OLFM3: variants seen among roughly 807,000 people sequenced by gnomAD.
OLFM3 encodes olfactomedin 3, also known as noelin-3.
OLFM3 carries 20 observed loss-of-function variants against 48.6 expected under a neutral mutation model. The observed-to-expected ratio is 0.41, with a 90% CI of 0.29 to 0.60. OLFM3 has a LOEUF of 0.60. OLFM3 is among the 20% of genes least tolerant of loss of function. The probability of loss-of-function intolerance (pLI) is 0.28; values close to 1 mark genes in which losing one functional copy is unlikely to be tolerated. For synonymous variants in OLFM3, 222 were observed against 198.1 expected, an observed-to-expected ratio of 1.12 and a Z score of -1.01; for missense variants, 437 against 544.3, an observed-to-expected ratio of 0.80 and a Z score of 1.96.
intron 1 of OLFM3, among the ~76,000 whole-genome samples, chr1:101,903,035 T>C (rs1658439525): frequency 6.6e-6 from 1 of 152,094 alleles, no homozygotes. Flanking sequence ...GGCTTTCTAA[T>C]GTGTTGTATT....
chr1:101,910,973 G>A (rs780598148), intron 1 of OLFM3, among the ~76,000 whole-genome samples: 5 of 152,118 alleles, frequency 3.3e-5, no homozygotes, highest in Non-Finnish European at 5.9e-5. Context: ...TCACTCAATA[G>A]AGTTATTAGA....
intron 1 of OLFM3, among the ~76,000 whole-genome samples, chr1:101,995,578 G>A (rs1031926451): frequency 5.3e-5 from 8 of 151,952 alleles, no homozygotes; most frequent in Admixed American, 2.6e-4. Context: ...AAATATATAC[G>A]ACATGATTCT....
At position 101,993,175 on chromosome 1, in the gene OLFM3, G is replaced by A. The variant is rs1022186784; in HGVS notation, c.69+3573C>T. On this transcript the variant is annotated intron_variant, in intron 1 of 5. Transcript: ENST00000370103. ...TGTAGCTGGCTCCAGTGTCAATGTT[G>A]TGTTTGAAACCTGCTCAGTCATATT... is the stretch of plus-strand genomic sequence containing the variant. Among the ~76,000 whole-genome samples the A allele has an allele frequency of 1.1e-4, 17 of 152,052 alleles. 1 individual carries two copies. Among genetic ancestry groups the A allele is most frequent in the Admixed American group, 2.6e-4 (4 of 15,262 alleles).
chr1:101,868,267 G>A (rs1429582669), intron 1 of OLFM3, among the ~76,000 whole-genome samples: 1 of 152,184 alleles, frequency 6.6e-6, no homozygotes, highest in Non-Finnish European at 1.5e-5. Context: ...CTCAGAAGAA[G>A]ATATGAACAC....
intron 1 of OLFM3, among the ~76,000 whole-genome samples, chr1:101,984,342 A>G (rs542212311): frequency 6.6e-6 from 1 of 152,212 alleles, no homozygotes; most frequent in South Asian, 2.1e-4. Flanking sequence ...TTTATATTAT[A>G]AATGTCAACC....
chr1:101,946,324 C>T (rs1012551534), intron 1 of OLFM3, among the ~76,000 whole-genome samples: 1 of 152,192 alleles, frequency 6.6e-6, no homozygotes, highest in Admixed American at 6.5e-5. Flanking sequence ...ATTTGAGTAT[C>T]ACGAGAATCC....
rs143989644 is a variant in OLFM3, at chr1:101,867,474, C to G, written c.70-30449G>C. On this transcript the variant is annotated intron_variant, in intron 1 of 5. Coordinates refer to ENST00000370103, the MANE Select transcript of OLFM3 (RefSeq NM_058170.4). ...ACAATGTTTATAAAGTCAATCTAGA[C>G]TAGAATACTATTCCAAAGTCAATCT... 1.9e-4 allele frequency among the ~76,000 whole-genome samples: 29 copies of G among 152,260 alleles called. No individual in the cohort carries two copies. In the East Asian group the frequency reaches 5.6e-3, roughly 29 times the overall value.
chr1:101,877,229 C>T (rs1323259156), intron 1 of OLFM3, among the ~76,000 whole-genome samples: 1 of 151,828 alleles, frequency 6.6e-6, no homozygotes, highest in Non-Finnish European at 1.5e-5. Context: ...AACTTTTAAC[C>T]CAGCTGTTCA....
At chr1:101,966,284 C>G (rs1660604530) in intron 1 of OLFM3, among the ~76,000 whole-genome samples, 1 of 151,368 alleles carries the variant, frequency 6.6e-6, no homozygotes, top group Admixed American at 6.6e-5. Flanking sequence ...TGTGTCTCAG[C>G]CTCCTGAGTA....
chr1:101,865,201 AG>A (rs1434329742), intron 1 of OLFM3, among the ~76,000 whole-genome samples: 1 of 151,430 alleles, frequency 6.6e-6, no homozygotes, highest in Non-Finnish European at 1.5e-5. Context: ...AGCATTATGG[AG>A]CCCCCTGCAC....
chr1:101,909,986 C>T (rs1658693951), intron 1 of OLFM3: 3 of 985,210 alleles, frequency 3.0e-6, no homozygotes, highest in Admixed American at 6.2e-5. Flanking sequence ...ATAGCCAGAA[C>T]ACATCTCATC....
intron 4 of OLFM3, among the ~76,000 whole-genome samples, chr1:101,823,226 C>G (rs895118963): frequency 1.3e-5 from 2 of 152,002 alleles, no homozygotes; most frequent in Non-Finnish European, 2.9e-5. Flanking sequence ...TTATGCTACA[C>G]ATGCAATGAT....
intron 1 of OLFM3, among the ~76,000 whole-genome samples, chr1:101,897,770 C>A (rs1480853378): frequency 6.6e-6 from 1 of 152,092 alleles, no homozygotes; most frequent in African/African-American, 2.4e-5. Flanking sequence ...GGATACATTG[C>A]TGAGGATATT....
intron 1 of OLFM3, among the ~76,000 whole-genome samples, chr1:101,974,097 T>C (rs1211754402): frequency 2.0e-5 from 3 of 151,938 alleles, no homozygotes; most frequent in Non-Finnish European, 4.4e-5. Context: ...TTAGCTTTTC[T>C]CATTTCCCTA....
chr1:101,813,523 T>C (rs902177578), intron 4 of OLFM3, among the ~76,000 whole-genome samples: 3 of 152,216 alleles, frequency 2.0e-5, no homozygotes, highest in Non-Finnish European at 2.9e-5. Flanking sequence ...CACACGTGTC[T>C]TAAAGGTAGT....
At chr1:101,874,093 C>G (rs538253248) in intron 1 of OLFM3, among the ~76,000 whole-genome samples, 3 of 151,998 alleles carry the variant, frequency 2.0e-5, no homozygotes, top group Admixed American at 2.0e-4. Context: ...TTGTAGTCCC[C>G]TAATTCTATA....
chr1:101,990,713 C>T (rs192845009), intron 1 of OLFM3, among the ~76,000 whole-genome samples: 4 of 151,868 alleles, frequency 2.6e-5, no homozygotes, highest in East Asian at 1.9e-4. Flanking sequence ...TGGCCGGGCG[C>T]GGTGGCTCAC....
In OLFM3 at chr1:101,994,222, A is replaced by G. The variant is rs1661494991; in HGVS notation, c.69+2526T>C. On this transcript the variant is annotated intron_variant, in intron 1 of 5. Coordinates refer to ENST00000370103, the MANE Select transcript of OLFM3 (RefSeq NM_058170.4). ...TATATTATATACATATATAAAATAA[A>G]CAAAGTATAACAATATAGAATAATA... is the stretch of plus-strand genomic sequence containing the variant. Among the ~76,000 whole-genome samples, 3 of 151,026 alleles carry G rather than the reference A, an allele frequency of 2.0e-5. No individual in the cohort carries two copies. The South Asian group carries it at 6.2e-4, about 31-fold the overall frequency.
At chr1:101,880,225 G>T (rs1322781982) in intron 1 of OLFM3, among the ~76,000 whole-genome samples, 1 of 151,758 alleles carries the variant, frequency 6.6e-6, no homozygotes, top group African/African-American at 2.4e-5. Flanking sequence ...GGCCAGGCTG[G>T]TCTCAAATGA....
Sources: allele counts gnomAD v4.1 joint callset (sites outside exome capture counted in the v4.1 genomes callset), GRCh38; gene constraint gnomAD v4.1.1; transcripts MANE v1.5; gene names NCBI Gene and HGNC (gene_info 2026-07-23, HGNC 2026-07-21).